The following ANKRD44 variants were observed in gnomAD, a reference collection of about 807,000 sequenced individuals.
The protein encoded by ANKRD44 is serine/threonine-protein phosphatase 6 regulatory ankyrin repeat subunit B.
Under a neutral mutation model 116.0 loss-of-function variants are expected in ANKRD44, and 35 were observed. That is an observed-to-expected ratio of 0.30 (90% CI 0.23 to 0.40). The LOEUF is 0.40. Among genes scored for constraint, ANKRD44 ranks in the 10% least tolerant of loss-of-function variants. The pLI is 1.00. For synonymous variants in ANKRD44, 435 were observed against 461.8 expected, an observed-to-expected ratio of 0.94 and a Z score of 0.74; for missense variants, 1,014 against 1,242.6, an observed-to-expected ratio of 0.82 and a Z score of 2.77.
chr2:197,295,918 G>A (rs979745462), intron 1 of ANKRD44, among the ~76,000 whole-genome samples: 7 of 152,092 alleles, frequency 4.6e-5, no homozygotes, highest in African/African-American at 1.7e-4. Flanking sequence ...CAGGTGGCAT[G>A]GAGGTACATG....
chr2:197,076,835 T>C (rs1214927598), intron 16 of ANKRD44, among the ~76,000 whole-genome samples: 3 of 152,228 alleles, frequency 2.0e-5, no homozygotes, highest in East Asian at 3.9e-4. Flanking sequence ...GGACATGATC[T>C]AGTTCTTTTT....
chr2:197,277,940 C>T (rs1281417449), intron 1 of ANKRD44, among the ~76,000 whole-genome samples: 1 of 152,200 alleles, frequency 6.6e-6, no homozygotes, highest in Middle Eastern at 3.2e-3. Context: ...AGAAAAGTAA[C>T]TTAATTGAGA....
intron 1 of ANKRD44, among the ~76,000 whole-genome samples, chr2:197,257,636 C>T (rs1446412062): frequency 2.0e-5 from 3 of 152,096 alleles, no homozygotes; most frequent in Middle Eastern, 3.4e-3. Context: ...GATGGATGCC[C>T]CATTCTCCAT....
At chr2:197,107,710 C>T (rs1023409938) in intron 9 of ANKRD44, among the ~76,000 whole-genome samples, 5 of 152,178 alleles carry the variant, frequency 3.3e-5, no homozygotes, top group African/African-American at 1.2e-4. Context: ...CTTCAGGGAG[C>T]CAAATGCTGT....
intron 16 of ANKRD44, among the ~76,000 whole-genome samples, chr2:197,070,714 G>A (rs936064012): frequency 6.6e-6 from 1 of 152,070 alleles, no homozygotes; most frequent in African/African-American, 2.4e-5. Flanking sequence ...CTGTGTGTGT[G>A]TGTGTGTCTT....
rs376492157 is a variant in ANKRD44, at chr2:197,066,924, T to A, written c.1650+11779A>T. 5.9e-5 allele frequency among the ~76,000 whole-genome samples: 9 copies of A among 152,144 alleles called. No homozygotes were observed. In the East Asian group the frequency reaches 1.2e-3, roughly 20 times the overall value. ...CCAATGACTTTCTTCACAGAATTGG[T>A]AAAAACTACTTTAAAGTTCACATGG... On this transcript the variant is annotated intron_variant, in intron 16 of 27. Transcript: ENST00000282272.
chr2:197,243,719 T>A (rs1159437840), intron 1 of ANKRD44, among the ~76,000 whole-genome samples: 2 of 152,220 alleles, frequency 1.3e-5, no homozygotes, highest in Non-Finnish European at 2.9e-5. Flanking sequence ...TGCTGTGCCC[T>A]CATGTGGCAG....
At chr2:197,184,143 T>C (rs2080588450) in intron 2 of ANKRD44, among the ~76,000 whole-genome samples, 1 of 152,120 alleles carries the variant, frequency 6.6e-6, no homozygotes, top group Admixed American at 6.5e-5. Flanking sequence ...GACAAATAAG[T>C]GGCATCACTA....
At chr2:197,033,931 A>C (rs2076756983) in intron 16 of ANKRD44, among the ~76,000 whole-genome samples, 1 of 152,166 alleles carries the variant, frequency 6.6e-6, no homozygotes, top group African/African-American at 2.4e-5. Flanking sequence ...AATTTGAATT[A>C]ACTTTTCTCT....
intron 3 of ANKRD44, among the ~76,000 whole-genome samples, chr2:197,140,760 C>T (rs891188174): frequency 3.3e-5 from 5 of 152,050 alleles, no homozygotes; most frequent in African/African-American, 1.2e-4. Flanking sequence ...AACAAAGGGA[C>T]ACGAGGAAAC....
At chr2:197,076,084 C>T (rs2077659646) in intron 16 of ANKRD44, among the ~76,000 whole-genome samples, 1 of 152,178 alleles carries the variant, frequency 6.6e-6, no homozygotes, top group Non-Finnish European at 1.5e-5. Context: ...TCTCTCCATT[C>T]CCTCCACAGG....
intron 1 of ANKRD44, among the ~76,000 whole-genome samples, chr2:197,284,810 C>T (rs764801265): frequency 1.1e-4 from 17 of 151,122 alleles, no homozygotes; most frequent in African/African-American, 3.9e-4. Context: ...TGCCTTAACC[C>T]GGGAGGCAGA....
chr2:196,989,643 C>T lies in ANKRD44; in HGVS notation c.2930G>A (p.Arg977Lys), dbSNP rs988439273. The T allele has an allele frequency of 3.2e-6, 5 of 1,550,034 alleles. No individual in the cohort carries two copies. Among genetic ancestry groups the T allele is most frequent in the Admixed American group, 3.9e-5 (2 of 50,962 alleles). ...AGGTGTGGAACGGGGTCCATTTGAC[C>T]TAGAAGCTTTGGCAGAGGGAGCAGA... ...CVLAVDENAS[R>K]SNGPRSTPGT... is the part of the protein sequence containing the mutation. The change falls in exon 28 of 28, where the codon AGG becomes AAG. Residue 977 changes from arginine to lysine, a missense_variant. Coordinates refer to ENST00000282272, the MANE Select transcript of ANKRD44 (RefSeq NM_001195144.2).
At chr2:197,033,187 C>T (rs758469804) in intron 16 of ANKRD44, among the ~76,000 whole-genome samples, 1 of 152,006 alleles carries the variant, frequency 6.6e-6, no homozygotes, top group African/African-American at 2.4e-5. Flanking sequence ...ATATAAACCT[C>T]AGGAACCTCA....
chr2:196,976,698 G>A (rs976637773), intron 21 of ANKRD44, among the ~76,000 whole-genome samples: 11 of 151,774 alleles, frequency 7.2e-5, no homozygotes, highest in East Asian at 1.9e-4. Context: ...AAACCCTATC[G>A]CCACAAAAAA....
chr2:197,025,806 T>C (rs1200667349), intron 16 of ANKRD44, among the ~76,000 whole-genome samples: 2 of 152,086 alleles, frequency 1.3e-5, no homozygotes, highest in African/African-American at 2.4e-5. Flanking sequence ...ATAAGAAGAA[T>C]TAAACCAGAT....
chr2:197,130,312 T>A, intron 4 of ANKRD44, among the ~76,000 whole-genome samples: 1 of 152,172 alleles, frequency 6.6e-6, no homozygotes. Flanking sequence ...GAACTAGGAG[T>A]GCAAAGGCAG....
chr2:197,282,116 G>C (rs891131344), intron 1 of ANKRD44, among the ~76,000 whole-genome samples: 3 of 152,098 alleles, frequency 2.0e-5, no homozygotes. Flanking sequence ...AACCAGGCAT[G>C]GTGGTGGGCA....
chr2:197,086,760 G>C lies in ANKRD44; in HGVS notation c.1248-12C>G, dbSNP rs148817660. On this transcript the variant is annotated splice_polypyrimidine_tract_variant and intron_variant, in intron 12 of 27. Transcript: ENST00000282272. ...TACATTCCACATTACTAGAAAGACAGGGAAAACATCATTAAGATGGAAGAG... is the reference window on the plus strand; with the variant it reads ...TACATTCCACATTACTAGAAAGACACGGAAAACATCATTAAGATGGAAGAG... 2 of 1,612,804 alleles carry C rather than the reference G, an allele frequency of 1.2e-6. No individual in the cohort carries two copies. The highest frequency in any genetic ancestry group is 2.2e-5 in the South Asian group (2 of 91,038).
Sources: gnomAD v4.1 joint callset for allele counts (sites outside exome capture counted in the v4.1 genomes callset) on GRCh38, gnomAD v4.1.1 for gene constraint, MANE v1.5 for transcripts, NCBI Gene and HGNC (gene_info 2026-07-23, HGNC 2026-07-21) for gene names.